SRBD1: variants seen among roughly 807,000 people sequenced by gnomAD.
The protein encoded by SRBD1 is S1 RNA-binding domain-containing protein 1.
In SRBD1, 88 loss-of-function variants were observed where a neutral mutation model predicts 115.3. The ratio of observed to expected loss-of-function variants is 0.76; its 90% CI spans 0.64 to 0.91. The LOEUF is 0.91. Ranked by LOEUF, SRBD1 falls within the 40% of genes least tolerant of loss-of-function variation. SRBD1 has a pLI of 0.00. For synonymous variants in SRBD1, 509 were observed against 407.7 expected, an observed-to-expected ratio of 1.25 and a Z score of -2.99; for missense variants, 1,385 against 1,177.4, an observed-to-expected ratio of 1.18 and a Z score of -2.58.
intron 14 of SRBD1, among the ~76,000 whole-genome samples, chr2:45,495,225 G>A (rs1241043717): frequency 3.3e-5 from 5 of 152,130 alleles, no homozygotes; most frequent in African/African-American, 4.8e-5. Flanking sequence ...GGACAGACCC[G>A]AATTACCAAC....
chr2:45,572,262 C>G (rs1427781625), intron 9 of SRBD1, among the ~76,000 whole-genome samples: 1 of 151,902 alleles, frequency 6.6e-6, no homozygotes, highest in African/African-American at 2.4e-5. Flanking sequence ...AACCATCAAC[C>G]AAGAATTCTA....
At chr2:45,419,931 GATGT>G in intron 16 of SRBD1, 37 bp from the exon 17 acceptor site, 1 of 1,566,426 alleles carries the variant, frequency 6.4e-7, no homozygotes, top group Non-Finnish European at 8.8e-7. Context: ...CAGTGAAGGA[GATGT>G]AGTTCTTGGA....
In SRBD1 at chr2:45,601,942, G is replaced by C. The variant is rs748414974; in HGVS notation, c.222C>G (p.Ile74Met). 1 of 1,614,062 alleles carries C rather than the reference G, an allele frequency of 6.2e-7. No individual in the cohort carries two copies. The highest frequency in any genetic ancestry group is 1.3e-5 in the African/African-American group (1 of 74,924). ...MPRVKKNAPQISDGSEVVVVK... is the reference protein window; with the variant it reads ...MPRVKKNAPQMSDGSEVVVVK... ...CAACAACGACTTCTGAGCCATCACTGATCTGTGGGGCATTCTTCTTCACCC... is the reference window on the plus strand; with the variant it reads ...CAACAACGACTTCTGAGCCATCACTCATCTGTGGGGCATTCTTCTTCACCC... Residue 74 changes from isoleucine to methionine, a missense_variant, in exon 3 of 21, where the codon ATC becomes ATG. By Grantham distance (10) the Ile-to-Met change is conservative (BLOSUM62 1). Coordinates refer to ENST00000263736, the MANE Select transcript of SRBD1 (RefSeq NM_018079.5).
In SRBD1 at chr2:45,438,594, G is replaced by A. The variant is rs1262336574; in HGVS notation, c.2050-18700C>T. ...GCATCTGAAATAAAATTATTGAATG[G>A]GCTTAACAGCAGATTGGAGTAGAAA... On this transcript the variant is annotated intron_variant, in intron 16 of 20. Coordinates refer to ENST00000263736, the MANE Select transcript of SRBD1 (RefSeq NM_018079.5). 2.8e-4 allele frequency among the ~76,000 whole-genome samples: 42 copies of A among 151,922 alleles called. 1 individual carries two copies. Among genetic ancestry groups the A allele is most frequent in the Admixed American group, 2.8e-3 (42 of 15,244 alleles).
At chr2:45,541,156 T>G (rs371055646) in intron 14 of SRBD1, among the ~76,000 whole-genome samples, 3 of 152,220 alleles carry the variant, frequency 2.0e-5, no homozygotes, top group Non-Finnish European at 2.9e-5. Context: ...GCGTGCCAGC[T>G]GTGGCAGGGC....
chr2:45,602,823 TG>T (rs1369721149), intron 2 of SRBD1, among the ~76,000 whole-genome samples: 2 of 151,992 alleles, frequency 1.3e-5, no homozygotes, highest in Non-Finnish European at 2.9e-5. Context: ...CTGAGATGAG[TG>T]AATAGGGAAG....
intron 14 of SRBD1, 112 bp downstream of exon 14, chr2:45,546,620 C>T: frequency 9.5e-7 from 1 of 1,055,490 alleles, no homozygotes; most frequent in Non-Finnish European, 1.4e-6. Context: ...AAGAGGTGGT[C>T]TGGAGGGCAA....
At chr2:45,456,706 G>A (rs1233078673) in intron 16 of SRBD1, among the ~76,000 whole-genome samples, 1 of 151,790 alleles carries the variant, frequency 6.6e-6, no homozygotes, top group African/African-American at 2.4e-5. Context: ...TTCTAAAGTT[G>A]AGGCCAGCAT....
chr2:45,424,979 G>A (rs1314051097), intron 16 of SRBD1, among the ~76,000 whole-genome samples: 11 of 152,316 alleles, frequency 7.2e-5, no homozygotes, highest in South Asian at 2.1e-4. Flanking sequence ...CTAACTTAGC[G>A]AGAATGGCAG....
At chr2:45,491,344 A>T (rs980256612) in intron 14 of SRBD1, among the ~76,000 whole-genome samples, 1 of 152,198 alleles carries the variant, frequency 6.6e-6, no homozygotes, top group Non-Finnish European at 1.5e-5. Context: ...CAAATTTCTC[A>T]GCAGTACAAA....
At chr2:45,405,523 T>C (rs1022256648) in intron 19 of SRBD1, among the ~76,000 whole-genome samples, 6 of 152,170 alleles carry the variant, frequency 3.9e-5, no homozygotes, top group African/African-American at 1.2e-4. Flanking sequence ...GAACTAGGGA[T>C]GTTAAGACAT....
intron 19 of SRBD1, among the ~76,000 whole-genome samples, chr2:45,407,168 CCTCACAGG>C (rs1667460987): frequency 6.6e-6 from 1 of 152,152 alleles, no homozygotes; most frequent in South Asian, 2.1e-4. Flanking sequence ...ATAGTACCAA[CCTCACAGG>C]GTTGCTGTGT....
chr2:45,546,425 T>C, intron 14 of SRBD1: 3 of 842,826 alleles, frequency 3.6e-6, no homozygotes, highest in Non-Finnish European at 4.3e-6. Flanking sequence ...ATCATTCTAC[T>C]TATTATTCAA....
At chr2:45,416,178 T>C (rs1383638286) in intron 18 of SRBD1, among the ~76,000 whole-genome samples, 2 of 152,086 alleles carry the variant, frequency 1.3e-5, no homozygotes, top group Admixed American at 6.6e-5. Context: ...AATATGAATG[T>C]ATTAATAACA....
chr2:45,433,048 T>C (rs1668387209), intron 16 of SRBD1, among the ~76,000 whole-genome samples: 1 of 152,200 alleles, frequency 6.6e-6, no homozygotes, highest in Non-Finnish European at 1.5e-5. Context: ...ACATTCCCCA[T>C]ACTAAACTTG....
intron 14 of SRBD1, among the ~76,000 whole-genome samples, chr2:45,519,900 A>AACAAGGC (rs1157254981): frequency 6.6e-6 from 1 of 152,208 alleles, no homozygotes; most frequent in African/African-American, 2.4e-5. Flanking sequence ...ATATGAGGAA[A>AACAAGGC]ACAAGGCACA....
At chr2:45,582,641 A>T (rs1355586930) in intron 5 of SRBD1, among the ~76,000 whole-genome samples, 1 of 152,088 alleles carries the variant, frequency 6.6e-6, no homozygotes, top group Non-Finnish European at 1.5e-5. Flanking sequence ...CTTAATGTTC[A>T]AATTTTTCCA....
chr2:45,455,596 C>G (rs1005763282), intron 16 of SRBD1, among the ~76,000 whole-genome samples: 109 of 151,810 alleles, frequency 7.2e-4, no homozygotes, highest in African/African-American at 2.6e-3. Context: ...AGAGGGAAAC[C>G]CTCTGAAGCA....
intron 19 of SRBD1, among the ~76,000 whole-genome samples, chr2:45,401,530 G>A (rs543844926): frequency 4.5e-4 from 69 of 152,198 alleles, no homozygotes; most frequent in South Asian, 3.1e-3. Flanking sequence ...AGAAAACTTC[G>A]GGCTTTTTCA....
Sources: allele counts gnomAD v4.1 joint callset (sites outside exome capture counted in the v4.1 genomes callset), GRCh38; gene constraint gnomAD v4.1.1; transcripts MANE v1.5; gene names NCBI Gene and HGNC (gene_info 2026-07-23, HGNC 2026-07-21).